The following CDC42BPG variants were observed in gnomAD, a reference collection of about 807,000 sequenced individuals.
CDC42BPG encodes CDC42 binding protein kinase gamma, also known as serine/threonine-protein kinase MRCK gamma.
Under a neutral mutation model 192.2 loss-of-function variants are expected in CDC42BPG, and 157 were observed. The ratio of observed to expected loss-of-function variants is 0.82; its 90% CI spans 0.72 to 0.93. CDC42BPG has a LOEUF of 0.93. Ranked by LOEUF, CDC42BPG falls within the 40% of genes least tolerant of loss-of-function variation. The pLI is 0.00. For missense variants in CDC42BPG, 1,992 were observed against 2,122.1 expected (o/e 0.94, Z 1.20); for synonymous variants, 981 against 918.5 (o/e 1.07, Z -1.23).
At chr11:64,828,752 GA>G (rs1942549563) in intron 30 of CDC42BPG, among the ~76,000 whole-genome samples, 1 of 151,894 alleles carries the variant, frequency 6.6e-6, no homozygotes, top group African/African-American at 2.4e-5. Context: ...CCCCATCTCT[GA>G]AAAAATACAA....
chr11:64,831,685 A>G lies in CDC42BPG; in HGVS notation c.3124T>C (p.Cys1042Arg). Residue 1042 changes from cysteine to arginine, a missense_variant, in exon 28 of 37, where the codon TGC (cysteine) becomes CGC (arginine). Coordinates refer to ENST00000342711, the MANE Select transcript of CDC42BPG (RefSeq NM_017525.3). ...TSQLAVPPTT[C>R]TVLLLAESEG... Reference sequence around the variant, plus strand: ...CTCTCTGCCAGCAGCAGCACAGTGCACGTGGTGGGCGGCACTGCCAGCTGG... The same window carrying G: ...CTCTCTGCCAGCAGCAGCACAGTGCGCGTGGTGGGCGGCACTGCCAGCTGG... 6.2e-7 allele frequency: 1 copy of G among 1,607,062 alleles called. No individual in the cohort carries two copies.
intron 31 of CDC42BPG, 26 bp from the exon 32 acceptor site, chr11:64,827,637 G>A: frequency 1.2e-6 from 2 of 1,606,920 alleles, no homozygotes; most frequent in Non-Finnish European, 1.7e-6. Flanking sequence ...CAGCGGTCAG[G>A]CCACGCCTCC....
Position 64,827,786 on chromosome 11 carries a change from G to A in CDC42BPG, c.3968-3C>T, listed in dbSNP as rs918308449. The A allele has an allele frequency of 6.2e-7, 1 of 1,601,186 alleles. No homozygotes were observed. Among genetic ancestry groups the A allele is most frequent in the African/African-American group, 1.3e-5 (1 of 74,648 alleles). ...TGTCAGGTAGGGGGCCGCATACCCT[G>A]CGGGCACGCCAGGCACCTCTGAGCT... is the stretch of plus-strand genomic sequence containing the variant. On this transcript the variant is annotated splice_region_variant and splice_polypyrimidine_tract_variant and intron_variant, in intron 30 of 36. Transcript: ENST00000342711.
Position 64,844,480 on chromosome 11 carries a change from C to T in CDC42BPG, c.90G>A (p.Leu30=). ...PGLDGLLDLL[L]ALHHELSSGP... is the part of the protein sequence containing the mutation. Reference sequence around the variant, plus strand: ...CGCTGCTGAGCTCGTGGTGCAGCGCCAGCAGCAGATCTAGGAGGCCGTCGA... The same window carrying T: ...CGCTGCTGAGCTCGTGGTGCAGCGCTAGCAGCAGATCTAGGAGGCCGTCGA... The change falls in exon 1 of 37, where the codon CTG becomes CTA. Residue 30 remains leucine (L), a synonymous_variant. Coordinates refer to ENST00000342711, the MANE Select transcript of CDC42BPG (RefSeq NM_017525.3). 2 of 1,442,744 alleles carry T rather than the reference C, an allele frequency of 1.4e-6. No homozygotes were observed. Among genetic ancestry groups the T allele is most frequent in the African/African-American group, 1.5e-5 (1 of 67,760 alleles). The allele number at this position is 1,442,744 out of a possible 1,614,324, so 89.4% of individuals were successfully genotyped here.
In CDC42BPG at chr11:64,837,059, C is replaced by T. The variant is rs765525886; in HGVS notation, c.1206-40G>A. The T allele has an allele frequency of 4.7e-6, 7 of 1,491,180 alleles. No homozygotes were observed. In the South Asian group the frequency reaches 7.9e-5, roughly 17 times the overall value. The allele number at this position is 1,491,180 out of a possible 1,614,324, so 92.4% of individuals were successfully genotyped here. On this transcript the variant is annotated intron_variant, in intron 9 of 36. Coordinates refer to ENST00000342711, the MANE Select transcript of CDC42BPG (RefSeq NM_017525.3). ...GGGCCATGTTTGTTGGTAGAAACCTCACCCCACAGAGTCTCCTCCATCCTC... is the reference window on the plus strand; with the variant it reads ...GGGCCATGTTTGTTGGTAGAAACCTTACCCCACAGAGTCTCCTCCATCCTC...
rs773849978 is a variant in CDC42BPG, at chr11:64,834,592, G to A, written c.2176-15C>T. 2 of 1,542,562 alleles carry A rather than the reference G, an allele frequency of 1.3e-6. No individual in the cohort carries two copies. The highest frequency in any genetic ancestry group is 1.8e-6 in the Non-Finnish European group (2 of 1,141,740). The stretch of plus-strand genomic sequence containing the variant: ...CACTGGTGGTCCTGGTGGCCACGGA[G>A]CACCCGTATAAGATGCTTTCTAGGC... On this transcript the variant is annotated splice_polypyrimidine_tract_variant and intron_variant, in intron 18 of 36. Coordinates refer to ENST00000342711, the MANE Select transcript of CDC42BPG (RefSeq NM_017525.3).
Position 64,838,590 on chromosome 11 carries a change from A to C in CDC42BPG, c.1125+64T>G, listed in dbSNP as rs981146869. ...GCCCACCCCAGGGGACTTCAGAGGG[A>C]GGGTTCCCCCAGCCAACAAGGGGGT... On this transcript the variant is annotated intron_variant, in intron 8 of 36. Coordinates refer to ENST00000342711, the MANE Select transcript of CDC42BPG (RefSeq NM_017525.3). 1.9e-6 allele frequency: 3 copies of C among 1,590,796 alleles called. No homozygotes were observed. The African/African-American group carries it at 4.0e-5, about 21-fold the overall frequency.
Position 64,833,495 on chromosome 11 carries a change from A to G in CDC42BPG, c.2625+105T>C, listed in dbSNP as rs925502025. The G allele has an allele frequency of 8.5e-6, 10 of 1,177,166 alleles. No individual in the cohort carries two copies. In the African/African-American group the frequency reaches 1.1e-4, roughly 13 times the overall value. 72.9% of individuals were successfully genotyped at this position (1,177,166 alleles called of 1,614,324 possible). On this transcript the variant is annotated intron_variant, in intron 23 of 36. Transcript: ENST00000342711. ...GCTCATCGCCACCACCTCCACCCCA[A>G]TTGTGCCTGCTAGCCACGATGCACG...
At chr11:64,830,557 G>A in intron 28 of CDC42BPG, 1 of 493,146 alleles carries the variant, frequency 2.0e-6, no homozygotes, top group African/African-American at 1.9e-5. Context: ...CAACTCTGAG[G>A]AAGCGAGGAA....
Position 64,834,459 on chromosome 11 carries a change from T to C in CDC42BPG, c.2294A>G (p.Gln765Arg), listed in dbSNP as rs767774119. 1.9e-6 allele frequency: 3 copies of C among 1,569,464 alleles called. No homozygotes were observed. The highest frequency in any genetic ancestry group is 2.3e-5 in the South Asian group (2 of 86,536). ...AKQGLQERLT[Q>R]VQEAQLQAER... ...AGCCTGCAGCTGGGCCTCCTGCACC[T>C]GTGTCAGCCGCTCCTGCAGGCCCTG... The change falls in exon 19 of 37, where the codon CAG (glutamine) becomes CGG (arginine). Residue 765 changes from glutamine to arginine, a missense_variant. Physicochemically the swap from Gln to Arg is conservative, Grantham distance 43. Transcript: ENST00000342711.
rs751449919 is a variant in CDC42BPG, at chr11:64,829,713, G to A, written c.3725C>T (p.Ala1242Val). ...GLLGDRLCVG[A>V]AGGFALYPLL... ...CGGGTAGAGTGCAAAGCCACCGGCG[G>A]CGCCCACACATAGCCGGTCGCCCAG... is the stretch of plus-strand genomic sequence containing the variant. Residue 1242 changes from alanine to valine, a missense_variant, in exon 30 of 37, where the codon GCC (alanine) becomes GTC (valine). Ala to Val is a moderately conservative substitution (Grantham distance 64). This residue lies in a region of CDC42BPG where 1,656 missense variants were observed against 1,844.3 expected (regional missense o/e 0.90). Transcript: ENST00000342711. 6 of 1,610,330 alleles carry A rather than the reference G, an allele frequency of 3.7e-6. No individual in the cohort carries two copies. The highest frequency in any genetic ancestry group is 1.7e-4 in the Middle Eastern group (1 of 6,028).
At position 64,826,793 on chromosome 11, in the gene CDC42BPG, G is replaced by T; in HGVS notation, c.4391C>A (p.Ala1464Asp). ...GGCAACTCGGCCCTTCTCTTCGGGA[G>T]CCTGTTGGGTGACAGTGCGGAGGGG... ...GRPGARDKSP[A>D]PEEKGRVARG... Residue 1464 changes from alanine (A) to aspartate (D), a missense_variant and splice_region_variant, in exon 35 of 37, where the codon GCT becomes GAT. Physicochemically the swap from Ala to Asp is moderately radical, Grantham distance 126 (BLOSUM62 -2). Transcript: ENST00000342711. 2.0e-6 allele frequency: 3 copies of T among 1,498,162 alleles called. No individual in the cohort carries two copies. Among genetic ancestry groups the T allele is most frequent in the Non-Finnish European group, 2.7e-6 (3 of 1,125,868 alleles). The allele number at this position is 1,498,162 out of a possible 1,614,324, so 92.8% of individuals were successfully genotyped here.
At chr11:64,834,040 G>A in intron 20 of CDC42BPG, 63 bp from the exon 21 acceptor site, 1 of 1,604,804 alleles carries the variant, frequency 6.2e-7, no homozygotes, top group African/African-American at 1.3e-5. Flanking sequence ...GGTCCAGGAG[G>A]GGCCTCAGTT....
At chr11:64,828,527 GC>G (rs1942539341) in intron 30 of CDC42BPG, among the ~76,000 whole-genome samples, 1 of 152,224 alleles carries the variant, frequency 6.6e-6, no homozygotes, top group Non-Finnish European at 1.5e-5. Context: ...GAGCACGAAG[GC>G]AATGGTGACC....
rs1247532918 is a variant in CDC42BPG, at chr11:64,824,372, A to T, written c.*101T>A. ...CCAGCCCGGGTCCTCCCTGAGTCCG[A>T]ATTTCCATGTCCCGGACCAGCCGGA... On this transcript the variant is annotated 3_prime_UTR_variant, in exon 37 of 37. Transcript: ENST00000342711. 3.3e-6 allele frequency: 3 copies of T among 919,806 alleles called. No homozygotes were observed. The East Asian group carries it at 7.2e-5, about 22-fold the overall frequency. 57.0% of individuals were successfully genotyped at this position (919,806 alleles called of 1,614,324 possible).
Position 64,839,157 on chromosome 11 carries a change from C to T in CDC42BPG, c.752G>A (p.Gly251Asp). ...CCAGTCACACTGTGGGCCGTAGTGG[C>T]CCTTGCCCTCCTCCATGGCCTGCAG... Reference protein sequence around the residue: ...EILQAMEEGKGHYGPQCDWWS... With the variant: ...EILQAMEEGKDHYGPQCDWWS... The change falls in exon 7 of 37, where the codon GGC becomes GAC. Residue 251 changes from glycine (G) to aspartate (D), a missense_variant. Physicochemically the swap from Gly to Asp is moderately conservative, Grantham distance 94 (BLOSUM62 -1). Coordinates refer to ENST00000342711, the MANE Select transcript of CDC42BPG (RefSeq NM_017525.3). The T allele has an allele frequency of 1.2e-6, 2 of 1,613,512 alleles. No homozygotes were observed. The highest frequency in any genetic ancestry group is 8.5e-7 in the Non-Finnish European group (1 of 1,180,044).
intron 28 of CDC42BPG, 73 bp from the exon 29 acceptor site, chr11:64,830,329 C>T: frequency 8.1e-7 from 1 of 1,228,202 alleles, no homozygotes; most frequent in Non-Finnish European, 1.2e-6. Context: ...AGTCCACCTG[C>T]CCTGCTGTGC....
At chr11:64,842,329 C>T (rs191703490) in intron 1 of CDC42BPG, among the ~76,000 whole-genome samples, 200 of 152,284 alleles carry the variant, frequency 1.3e-3, no homozygotes, top group Middle Eastern at 3.4e-3. Context: ...GGAAACTGGA[C>T]GGGTGACATT....
At chr11:64,834,227 G>A in intron 20 of CDC42BPG, 39 bp downstream of exon 20, 1 of 1,531,364 alleles carries the variant, frequency 6.5e-7, no homozygotes, top group Non-Finnish European at 8.8e-7. Flanking sequence ...AGGCCGCGGG[G>A]GAGCCTGGCT....
Sources: gnomAD v4.1 joint callset for allele counts (sites outside exome capture counted in the v4.1 genomes callset) on GRCh38, gnomAD v4.1.1 for gene constraint, gnomAD v4.1.1 regional missense constraint, MANE v1.5 for transcripts, NCBI Gene and HGNC (gene_info 2026-07-23, HGNC 2026-07-21) for gene names.